The following RORA variants were observed in gnomAD, a reference collection of about 807,000 sequenced individuals.
RORA encodes RAR related orphan receptor A.
A neutral mutation model predicts 69.5 loss-of-function variants in RORA; 7 were observed. That is an observed-to-expected ratio of 0.10 (90% CI 0.06 to 0.19). The LOEUF (loss-of-function observed/expected upper bound fraction) is 0.19, where lower values mean the gene tolerates loss of function less well. Among genes scored for constraint, RORA ranks in the 10% least tolerant of loss-of-function variants. The pLI, the probability that RORA is intolerant of heterozygous loss-of-function variation, is 1.00. For synonymous variants in RORA, 261 were observed against 240.8 expected, an observed-to-expected ratio of 1.08 and a Z score of -0.78; for missense variants, 457 against 663.0, an observed-to-expected ratio of 0.69 and a Z score of 3.41.
At chr15:60,573,014 T>C (rs1011143461) in intron 2 of RORA, among the ~76,000 whole-genome samples, 3 of 152,204 alleles carry the variant, frequency 2.0e-5, no homozygotes, top group Non-Finnish European at 4.4e-5. Context: ...GCTGAGTAAG[T>C]ACATGAGTGT....
chr15:60,628,555 A>G (rs2069653631), intron 2 of RORA, among the ~76,000 whole-genome samples: 1 of 152,308 alleles, frequency 6.6e-6, no homozygotes, highest in South Asian at 2.1e-4. Flanking sequence ...TTAAATACAG[A>G]CAGGGTCTTG....
intron 1 of RORA, among the ~76,000 whole-genome samples, chr15:61,085,477 A>T (rs1040143502): frequency 3.3e-5 from 5 of 152,216 alleles, no homozygotes; most frequent in Admixed American, 3.3e-4. Context: ...TCATCCGAAG[A>T]CCTTGTTATA....
chr15:61,217,372 G>A (rs1479682302), intron 1 of RORA, among the ~76,000 whole-genome samples: 1 of 152,138 alleles, frequency 6.6e-6, no homozygotes, highest in African/African-American at 2.4e-5. Flanking sequence ...AGGAGTCTGG[G>A]AGCTTCAAGA....
At chr15:61,027,600 A>G (rs528489435) in intron 1 of RORA, among the ~76,000 whole-genome samples, 1 of 152,292 alleles carries the variant, frequency 6.6e-6, no homozygotes, top group South Asian at 2.1e-4. Flanking sequence ...CCAGCTCCCA[A>G]GCTTGGGCCA....
At chr15:60,678,732 G>A in intron 1 of RORA, 46 bp from the exon 2 acceptor site, 2 of 1,529,880 alleles carry the variant, frequency 1.3e-6, no homozygotes, top group Non-Finnish European at 1.8e-6. Flanking sequence ...TGCCCTGTGT[G>A]TGCTGCTTTG....
At chr15:60,855,573 C>A (rs997237338) in intron 1 of RORA, among the ~76,000 whole-genome samples, 1 of 151,852 alleles carries the variant, frequency 6.6e-6, no homozygotes, top group African/African-American at 2.4e-5. Flanking sequence ...ATGTGTGGAC[C>A]CTTACACTTT....
chr15:61,141,397 T>C (rs113514390), intron 1 of RORA, among the ~76,000 whole-genome samples: 2,217 of 152,272 alleles, frequency 0.015, 67 homozygotes, highest in African/African-American at 0.051. Flanking sequence ...TGCCCTGTTA[T>C]AAAATCCAAC....
At chr15:60,762,210 G>A (rs1041045284) in intron 1 of RORA, among the ~76,000 whole-genome samples, 2 of 152,172 alleles carry the variant, frequency 1.3e-5, no homozygotes, top group Admixed American at 6.5e-5. Context: ...GGAATTTCTA[G>A]GTGAGTCTTG....
At chr15:60,686,445 A>C (rs537646149) in intron 1 of RORA, among the ~76,000 whole-genome samples, 1 of 152,290 alleles carries the variant, frequency 6.6e-6, no homozygotes, top group African/African-American at 2.4e-5. Context: ...TTATTTTTTC[A>C]AATTGATTTC....
At chr15:61,083,671 G>GA (rs1262057329) in intron 1 of RORA, among the ~76,000 whole-genome samples, 3 of 151,454 alleles carry the variant, frequency 2.0e-5, no homozygotes, top group South Asian at 4.2e-4. Flanking sequence ...TTAGGAAAGG[G>GA]AAAAAAAAGC....
chr15:60,832,183 C>G (rs1476017301), intron 1 of RORA, among the ~76,000 whole-genome samples: 2 of 152,158 alleles, frequency 1.3e-5, no homozygotes, highest in African/African-American at 4.8e-5. Flanking sequence ...TGACAAAATT[C>G]TAGAAAATGA....
At chr15:61,054,187 T>C (rs1490562309) in intron 1 of RORA, among the ~76,000 whole-genome samples, 1 of 152,076 alleles carries the variant, frequency 6.6e-6, no homozygotes, top group Non-Finnish European at 1.5e-5. Flanking sequence ...TTGGCCAGCA[T>C]CTTCATACTT....
At chr15:60,876,388 T>C (rs944800441) in intron 1 of RORA, among the ~76,000 whole-genome samples, 1 of 150,976 alleles carries the variant, frequency 6.6e-6, no homozygotes, top group African/African-American at 2.4e-5. Context: ...ATGGTTTTGC[T>C]GACTTGAGAC....
At chr15:60,803,866 A>G (rs747455637) in intron 1 of RORA, among the ~76,000 whole-genome samples, 20 of 152,180 alleles carry the variant, frequency 1.3e-4, no homozygotes, top group Non-Finnish European at 2.6e-4. Context: ...CGGTACTTAC[A>G]CATTCGGCAG....
chr15:61,068,931 C>T (rs1227563053), intron 1 of RORA, among the ~76,000 whole-genome samples: 1 of 152,148 alleles, frequency 6.6e-6, no homozygotes, highest in East Asian at 1.9e-4. Flanking sequence ...GAACCATTTC[C>T]CCCTGACAAT....
At chr15:61,020,449 C>T (rs1300100292) in intron 1 of RORA, among the ~76,000 whole-genome samples, 1 of 152,200 alleles carries the variant, frequency 6.6e-6, no homozygotes, top group Non-Finnish European at 1.5e-5. Flanking sequence ...AGACTTTGGG[C>T]AGTGACTCAA....
At chr15:60,836,618 G>C (rs1371288950) in intron 1 of RORA, among the ~76,000 whole-genome samples, 1 of 152,100 alleles carries the variant, frequency 6.6e-6, no homozygotes, top group African/African-American at 2.4e-5. Context: ...CACGTTCAGC[G>C]GGGACTCCAG....
At chr15:61,022,368 A>G (rs1895570943) in intron 1 of RORA, among the ~76,000 whole-genome samples, 1 of 152,204 alleles carries the variant, frequency 6.6e-6, no homozygotes, top group Admixed American at 6.5e-5. Context: ...AGAACGGGGC[A>G]CGGCAATTGT....
chr15:61,117,178 C>CTTTT (rs35859710), intron 1 of RORA, among the ~76,000 whole-genome samples: 17,780 of 138,234 alleles, frequency 0.13, 1,245 homozygotes, highest in South Asian at 0.18. Context: ...TTAAAAGTTA[C>CTTTT]TTTTTTTTTT....
Sources: allele counts gnomAD v4.1 joint callset (sites outside exome capture counted in the v4.1 genomes callset), GRCh38; gene constraint gnomAD v4.1.1; transcripts MANE v1.5; gene names NCBI Gene and HGNC (gene_info 2026-07-23, HGNC 2026-07-21).